PPP2R2C: variants seen among roughly 807,000 people sequenced by gnomAD.
PPP2R2C encodes the protein protein phosphatase 2, regulatory subunit B, gamma.
PPP2R2C carries 10 observed loss-of-function variants against 45.3 expected under a neutral mutation model. The observed-to-expected ratio is 0.22, with a 90% CI of 0.14 to 0.37. The LOEUF (loss-of-function observed/expected upper bound fraction) is 0.37, where lower values mean the gene tolerates loss of function less well. PPP2R2C is among the 10% of genes least tolerant of loss of function. The probability of loss-of-function intolerance (pLI) is 1.00; values close to 1 mark genes in which losing one functional copy is unlikely to be tolerated. For missense variants in PPP2R2C, 308 were observed against 619.7 expected, an observed-to-expected ratio of 0.50 and a Z score of 5.34; for synonymous variants, 257 against 245.4, an observed-to-expected ratio of 1.05 and a Z score of -0.44.
rs1714085446 is a variant in PPP2R2C at position 6,364,388 on chromosome 4, T to C, written c.625+8135A>G. On this transcript the variant is annotated intron_variant, in intron 5 of 8. Transcript: ENST00000382599. This position sits in a 1 kb window ranked among gnomAD's most constrained non-coding sequence, Gnocchi z 5.3. ...CCAGGGAGGGGCCAGGGCCAGCTCC[T>C]GCAGGGCCTTGGAGGCCAGAGAAAG... Among the ~76,000 whole-genome samples the C allele has an allele frequency of 6.6e-6, 1 of 152,064 alleles. No individual in the cohort carries two copies. The highest frequency in any genetic ancestry group is 2.4e-5 in the African/African-American group (1 of 41,412).
intron 5 of PPP2R2C, chr4:6,350,672 A>G (rs78067421): frequency 3.6e-6 from 2 of 552,050 alleles, no homozygotes; most frequent in Non-Finnish European, 4.0e-6. Flanking sequence ...TTCTCTCCCA[A>G]GGGGAGACCT....
In PPP2R2C at chr4:6,447,095, G is replaced by C. The variant is rs565048768; in HGVS notation, c.70+25065C>G. 4.6e-5 allele frequency among the ~76,000 whole-genome samples: 7 copies of C among 152,210 alleles called. No individual in the cohort carries two copies. In the South Asian group the frequency reaches 1.5e-3, roughly 32 times the overall value. On this transcript the variant is annotated intron_variant, in intron 1 of 8. Transcript: ENST00000382599. ...AGACAAAGACCTGCTAGAGAAAAGA[G>C]ACCATGGGAAGGACCAGGCCTTGGG... is the stretch of plus-strand genomic sequence containing the variant.
At chr4:6,360,775 C>T (rs1713658104) in intron 5 of PPP2R2C, among the ~76,000 whole-genome samples, 1 of 152,236 alleles carries the variant, frequency 6.6e-6, no homozygotes, top group Admixed American at 6.5e-5. Context: ...CAAAATGCTA[C>T]AGACCGAGTG....
intron 2 of PPP2R2C, among the ~76,000 whole-genome samples, chr4:6,528,912 G>C (rs923219680): frequency 5.9e-5 from 9 of 152,050 alleles, no homozygotes; most frequent in African/African-American, 1.9e-4. Flanking sequence ...ATCTCCCTTT[G>C]CTGACTGTCT....
At chr4:6,400,139 G>A (rs1045433006) in intron 1 of PPP2R2C, among the ~76,000 whole-genome samples, 3 of 152,204 alleles carry the variant, frequency 2.0e-5, no homozygotes, top group African/African-American at 2.4e-5. Flanking sequence ...ACCCCAAGAC[G>A]TTTTCAGGGG....
chr4:6,349,760 G>A (rs187607099), intron 5 of PPP2R2C: 57 of 692,874 alleles, frequency 8.2e-5, no homozygotes, highest in East Asian at 1.4e-4. Context: ...TAGTAGTGGC[G>A]TATGCCTGTA....
At chr4:6,548,833 G>T (rs1216426992) in intron 1 of PPP2R2C, among the ~76,000 whole-genome samples, 1 of 152,200 alleles carries the variant, frequency 6.6e-6, no homozygotes, top group Non-Finnish European at 1.5e-5. Context: ...GCGACTGCCT[G>T]CCCTGAGGCT....
intron 2 of PPP2R2C, among the ~76,000 whole-genome samples, chr4:6,490,760 C>T (rs907223717): frequency 3.3e-5 from 5 of 152,208 alleles, no homozygotes; most frequent in South Asian, 2.1e-4. Context: ...AAAGGAACAT[C>T]AGCCATGGCG....
intron 1 of PPP2R2C, among the ~76,000 whole-genome samples, chr4:6,561,597 A>G (rs1045968919): frequency 2.0e-5 from 3 of 152,154 alleles, no homozygotes; most frequent in African/African-American, 7.2e-5. Flanking sequence ...AAAGAGCTTA[A>G]TGGCTACACA....
chr4:6,537,726 A>G (rs1240519508), intron 1 of PPP2R2C, among the ~76,000 whole-genome samples: 2 of 151,702 alleles, frequency 1.3e-5, no homozygotes, highest in African/African-American at 4.8e-5. Context: ...AATTTTTTGT[A>G]TTTTTAGAAG....
chr4:6,519,495 C>G (rs1723947435), intron 2 of PPP2R2C, among the ~76,000 whole-genome samples: 1 of 152,234 alleles, frequency 6.6e-6, no homozygotes, highest in South Asian at 2.1e-4. Context: ...GCCTCCCTCT[C>G]CTCTGCAGCC....
chr4:6,379,024 G>C (rs58752698), intron 2 of PPP2R2C, among the ~76,000 whole-genome samples: 22 of 146,092 alleles, frequency 1.5e-4, no homozygotes, highest in Middle Eastern at 3.2e-3. Flanking sequence ...CCTGCCTGAC[G>C]CCAAGGCTTG....
chr4:6,414,063 G>T, intron 1 of PPP2R2C: 14 of 1,394,640 alleles, frequency 1.0e-5, no homozygotes, highest in Admixed American at 2.3e-5. Context: ...AGTAACATAA[G>T]TTTTGCCTGT....
intron 2 of PPP2R2C, among the ~76,000 whole-genome samples, chr4:6,480,187 A>T (rs1294532663): frequency 1.3e-5 from 2 of 152,198 alleles, no homozygotes; most frequent in East Asian, 3.8e-4. Flanking sequence ...GCATTGTACC[A>T]TTTTATGTAA....
At chr4:6,420,206 G>A (rs1718870113) in intron 1 of PPP2R2C, among the ~76,000 whole-genome samples, 1 of 152,316 alleles carries the variant, frequency 6.6e-6, no homozygotes, top group East Asian at 1.9e-4. Context: ...GACTTCCCAA[G>A]GACAGGCTGT....
At chr4:6,463,955 C>T (rs939670455) in intron 1 of PPP2R2C, among the ~76,000 whole-genome samples, 1 of 152,226 alleles carries the variant, frequency 6.6e-6, no homozygotes, top group African/African-American at 2.4e-5. Flanking sequence ...ATAATCAGAA[C>T]TGAACAGGCC....
chr4:6,441,603 A>G (rs1720157109), intron 1 of PPP2R2C, among the ~76,000 whole-genome samples: 1 of 152,172 alleles, frequency 6.6e-6, no homozygotes, highest in Non-Finnish European at 1.5e-5. Context: ...TCTGCTCTGT[A>G]CGTGTCACCT....
intron 1 of PPP2R2C, chr4:6,383,177 C>T (rs1002442121): frequency 8.5e-7 from 1 of 1,179,796 alleles, no homozygotes; most frequent in African/African-American, 1.6e-5. Context: ...AGGAGCAGGA[C>T]CTGCGCAGGC....
intron 2 of PPP2R2C, among the ~76,000 whole-genome samples, chr4:6,530,201 T>C (rs1352331229): frequency 6.6e-6 from 1 of 152,100 alleles, no homozygotes; most frequent in East Asian, 1.9e-4. Context: ...GTTTGGGGTT[T>C]TGAGGTACAC....
Sources: gnomAD v4.1 joint callset for allele counts (sites outside exome capture counted in the v4.1 genomes callset) on GRCh38, gnomAD v4.1.1 for gene constraint, Gnocchi (gnomAD v3.1) non-coding constraint, MANE v1.5 for transcripts, NCBI Gene and HGNC (gene_info 2026-07-23, HGNC 2026-07-21) for gene names.